CFAP54: variants seen among roughly 807,000 people sequenced by gnomAD.
The protein encoded by CFAP54 is cilia- and flagella-associated protein 54.
In CFAP54, 290 loss-of-function variants were observed where a neutral mutation model predicts 370.4. That is an observed-to-expected ratio of 0.78 (90% CI 0.71 to 0.86). The LOEUF is 0.86. Among genes scored for constraint, CFAP54 ranks in the 40% least tolerant of loss-of-function variants. The pLI is 0.00. For synonymous variants in CFAP54, 1,206 were observed against 1,236.5 expected (o/e 0.98, Z 0.52); for missense variants, 3,399 against 3,528.7 (o/e 0.96, Z 0.93).
At chr12:96,735,373 C>T (rs1957967966) in intron 50 of CFAP54, among the ~76,000 whole-genome samples, 1 of 152,164 alleles carries the variant, frequency 6.6e-6, no homozygotes, top group African/African-American at 2.4e-5. Context: ...GCTCTACCTT[C>T]TAAGCACATA....
rs191639745 is a variant in CFAP54 at position 96,547,921 on chromosome 12, G to A, written c.2097G>A (p.Gly699=). ...TTCCAGATGTACCTTTAAGAGAAGGGACTAACAAATTCCCTGGAGCTCCAA... is the reference window on the plus strand; with the variant it reads ...TTCCAGATGTACCTTTAAGAGAAGGAACTAACAAATTCCCTGGAGCTCCAA... ...KQSLDVPLRE[G]TNKFPGAPKG... is the part of the protein sequence containing the mutation. Residue 699 remains glycine (G), a synonymous_variant, in exon 15 of 68, where the codon GGG becomes GGA. Coordinates refer to ENST00000524981, the MANE Select transcript of CFAP54 (RefSeq NM_001306084.2). 6.7e-7 allele frequency: 1 copy of A among 1,499,674 alleles called. No homozygotes were observed. Among genetic ancestry groups the A allele is most frequent in the East Asian group, 2.6e-5 (1 of 39,184 alleles). The allele number at this position is 1,499,674 out of a possible 1,614,324, so 92.9% of individuals were successfully genotyped here. A position where few individuals can be genotyped will look rare whatever the true frequency, so the allele number is the denominator to read the frequency against.
intron 9 of CFAP54, 53 bp downstream of exon 9, chr12:96,527,497 C>A: frequency 2.4e-6 from 3 of 1,247,592 alleles, no homozygotes; most frequent in Non-Finnish European, 3.2e-6. Flanking sequence ...ACATGAGTAA[C>A]AAAAATTTTA....
At chr12:96,620,720 T>C (rs778833067) in intron 26 of CFAP54, among the ~76,000 whole-genome samples, 4 of 152,258 alleles carry the variant, frequency 2.6e-5, no homozygotes, top group Non-Finnish European at 5.9e-5. Flanking sequence ...GACCCTTCTC[T>C]ACAGCAGAAT....
At chr12:96,670,178 AC>A (rs1334569288) in intron 39 of CFAP54, among the ~76,000 whole-genome samples, 2 of 152,024 alleles carry the variant, frequency 1.3e-5, no homozygotes, top group African/African-American at 4.8e-5. Flanking sequence ...CATGTGGTGA[AC>A]CCCTGTAGAG....
At chr12:96,551,485 ATGTGTGTGTGTG>A (rs10582056) in intron 15 of CFAP54, among the ~76,000 whole-genome samples, 9 of 143,870 alleles carry the variant, frequency 6.3e-5, no homozygotes, top group African/African-American at 1.0e-4. Context: ...TTGAATGGGT[ATGTGTGTGTGTG>A]TGTGTGTGTG....
chr12:96,697,564 A>G lies in CFAP54; in HGVS notation c.6352-2407A>G, dbSNP rs1592713642. On this transcript the variant is annotated intron_variant, in intron 45 of 67. Transcript: ENST00000524981. ...TTACTTATGTATCCAATTTCCCACTAGCCCACCTTTTTATTTCTTTAAAAT... is the reference window on the plus strand; with the variant it reads ...TTACTTATGTATCCAATTTCCCACTGGCCCACCTTTTTATTTCTTTAAAAT... Among the ~76,000 whole-genome samples the G allele has an allele frequency of 2.6e-5, 4 of 152,290 alleles. No individual in the cohort carries two copies. The South Asian group carries it at 6.2e-4, about 24-fold the overall frequency.
At chr12:96,803,335 T>C (rs1958842423) in intron 63 of CFAP54, among the ~76,000 whole-genome samples, 1 of 152,070 alleles carries the variant, frequency 6.6e-6, no homozygotes. Context: ...CTCTGTTGTT[T>C]CCTGACTTTT....
chr12:96,509,165 T>A (rs1565879064), intron 4 of CFAP54, among the ~76,000 whole-genome samples: 1 of 152,084 alleles, frequency 6.6e-6, no homozygotes, highest in Admixed American at 6.6e-5. Flanking sequence ...TTGTGTCAGA[T>A]AGTGACGAGG....
intron 55 of CFAP54, among the ~76,000 whole-genome samples, chr12:96,749,447 A>G (rs911445417): frequency 1.3e-5 from 2 of 152,264 alleles, no homozygotes; most frequent in African/African-American, 4.8e-5. Flanking sequence ...TCAGGGGATA[A>G]TAATGGCACT....
At chr12:96,690,525 A>G (rs1957377339) in intron 43 of CFAP54, among the ~76,000 whole-genome samples, 1 of 152,190 alleles carries the variant, frequency 6.6e-6, no homozygotes, top group African/African-American at 2.4e-5. Flanking sequence ...TTAAACAATA[A>G]TCTTTTCATT....
At chr12:96,504,114 G>T in intron 3 of CFAP54, 85 bp downstream of exon 3, 3 of 1,302,100 alleles carry the variant, frequency 2.3e-6, no homozygotes, top group African/African-American at 3.0e-5. Context: ...TAAATGTCTT[G>T]TTGGCTTAGC....
intron 25 of CFAP54, among the ~76,000 whole-genome samples, chr12:96,595,571 GACTA>G (rs1956169199): frequency 6.6e-6 from 1 of 152,114 alleles, no homozygotes; most frequent in South Asian, 2.1e-4. Context: ...TGATCAAGAA[GACTA>G]ACTAGACAGC....
intron 39 of CFAP54, among the ~76,000 whole-genome samples, chr12:96,670,765 T>G (rs1957136059): frequency 6.6e-6 from 1 of 152,130 alleles, no homozygotes; most frequent in Non-Finnish European, 1.5e-5. Context: ...TCACATAAGA[T>G]GAGGACGGAC....
At chr12:96,521,780 A>G in intron 6 of CFAP54, 77 bp from the exon 7 acceptor site, 1 of 1,083,478 alleles carries the variant, frequency 9.2e-7, no homozygotes, top group South Asian at 1.6e-5. Flanking sequence ...AATGCCTGGG[A>G]GAACAAAACA....
chr12:96,787,904 A>T (rs1958644307), intron 62 of CFAP54, among the ~76,000 whole-genome samples: 1 of 150,618 alleles, frequency 6.6e-6, no homozygotes, highest in Admixed American at 6.6e-5. Flanking sequence ...TGAAAAAGTG[A>T]GGTTTTTTTT....
At position 96,743,848 on chromosome 12, in the gene CFAP54, C is replaced by T. The variant is rs779717761; in HGVS notation, c.7495C>T (p.Pro2499Ser). The T allele has an allele frequency of 1.9e-6, 3 of 1,613,862 alleles. No individual in the cohort carries two copies. The highest frequency in any genetic ancestry group is 2.5e-6 in the Non-Finnish European group (3 of 1,179,892). ...LTKAEKFKESPSSKTGKLNLL... is the reference protein window; with the variant it reads ...LTKAEKFKESSSSKTGKLNLL... ...CAAAGCTGAGAAATTCAAGGAATCTCCCTCTTCAAAAACAGGAAAATTAAA... is the reference window on the plus strand; with the variant it reads ...CAAAGCTGAGAAATTCAAGGAATCTTCCTCTTCAAAAACAGGAAAATTAAA... The change falls in exon 54 of 68, where the codon CCC becomes TCC. Residue 2499 changes from proline to serine, a missense_variant. This residue lies in a region of CFAP54 where 2,796 missense variants were observed against 2,869.7 expected (regional missense o/e 0.97). Coordinates refer to ENST00000524981, the MANE Select transcript of CFAP54 (RefSeq NM_001306084.2).
chr12:96,644,252 A>G lies in CFAP54; in HGVS notation c.4391A>G (p.Tyr1464Cys), dbSNP rs139585468. 3.3e-3 allele frequency: 5,089 copies of G among 1,535,942 alleles called. 47 individuals are homozygous for G. The highest frequency in any genetic ancestry group is 0.023 in the South Asian group (1,896 of 84,056). Reference protein sequence around the residue: ...MDYLNPLILSYVKRKRFHRLS... With the variant: ...MDYLNPLILSCVKRKRFHRLS... Reference sequence around the variant, plus strand: ...TACTTGAATCCTCTAATATTAAGTTATGTTAAAAGAAAGAGGTTCCATCGT... The same window carrying G: ...TACTTGAATCCTCTAATATTAAGTTGTGTTAAAAGAAAGAGGTTCCATCGT... Residue 1464 changes from tyrosine to cysteine, a missense_variant, in exon 33 of 68, where the codon TAT becomes TGT. Tyr to Cys is a radical substitution (Grantham distance 194, BLOSUM62 -2). Coordinates refer to ENST00000524981, the MANE Select transcript of CFAP54 (RefSeq NM_001306084.2).
At chr12:96,534,675 T>C (rs750048975) in intron 11 of CFAP54, among the ~76,000 whole-genome samples, 1 of 152,142 alleles carries the variant, frequency 6.6e-6, no homozygotes, top group Non-Finnish European at 1.5e-5. Flanking sequence ...CTAAAAGTTA[T>C]TGTGTGTATA....
intron 36 of CFAP54, 37 bp from the exon 37 acceptor site, chr12:96,657,844 GA>G: frequency 3.7e-6 from 5 of 1,340,578 alleles, no homozygotes; most frequent in Non-Finnish European, 1.0e-6. Context: ...AGTAAAATCT[GA>G]AATTACACAT....
Sources: allele counts gnomAD v4.1 joint callset (sites outside exome capture counted in the v4.1 genomes callset), GRCh38; gene constraint gnomAD v4.1.1; regional missense constraint gnomAD v4.1.1; transcripts MANE v1.5; gene names NCBI Gene and HGNC (gene_info 2026-07-23, HGNC 2026-07-21).